Variants in PARP6 observed in about 807,000 individuals in gnomAD.
PARP6 encodes the protein protein mono-ADP-ribosyltransferase PARP6.
A neutral mutation model predicts 92.0 loss-of-function variants in PARP6; 27 were observed. That is an observed-to-expected ratio of 0.29 (90% CI 0.22 to 0.40). PARP6 has a LOEUF of 0.40. PARP6 is among the 10% of genes least tolerant of loss of function. The probability of loss-of-function intolerance (pLI) is 1.00; values close to 1 mark genes in which losing one functional copy is unlikely to be tolerated. For synonymous variants in PARP6, 272 were observed against 281.2 expected, an observed-to-expected ratio of 0.97 and a Z score of 0.33; for missense variants, 501 against 784.5, an observed-to-expected ratio of 0.64 and a Z score of 4.32.
Position 72,242,445 on chromosome 15 carries a change from A to G in PARP6, c.1641+175T>C, listed in dbSNP as rs2140874054. The stretch of plus-strand genomic sequence containing the variant: ...AAACTCAGCCTCTGCTTTTATACTC[A>G]TGACTTCAGCTACATATGACTCCAG... On this transcript the variant is annotated intron_variant, in intron 21 of 23. Transcript: ENST00000569795. The surrounding 1 kb of genome is among the most constrained non-coding windows in gnomAD (Gnocchi z 4.3). 6.6e-6 allele frequency among the ~76,000 whole-genome samples: 1 copy of G among 152,276 alleles called. No individual in the cohort carries two copies. Among genetic ancestry groups the G allele is most frequent in the Admixed American group, 6.5e-5 (1 of 15,296 alleles).
At chr15:72,246,037 CCA>C (rs2083560944) in intron 20 of PARP6, among the ~76,000 whole-genome samples, 1 of 152,198 alleles carries the variant, frequency 6.6e-6, no homozygotes, top group African/African-American at 2.4e-5. Flanking sequence ...AACCCTAACC[CCA>C]CTTTGGATGC....
intron 14 of PARP6, among the ~76,000 whole-genome samples, chr15:72,256,138 C>G (rs2085095695): frequency 6.6e-6 from 1 of 152,084 alleles, no homozygotes; most frequent in Non-Finnish European, 1.5e-5. Flanking sequence ...AAATATTATC[C>G]CTTTTTACAA....
At chr15:72,258,580 TTCAA>T (rs2085438114) in intron 11 of PARP6, among the ~76,000 whole-genome samples, 1 of 152,230 alleles carries the variant, frequency 6.6e-6, no homozygotes, top group African/African-American at 2.4e-5. Flanking sequence ...TAGGAGAGCA[TTCAA>T]TCAATTAGAT....
chr15:72,260,533 C>A lies in PARP6; in HGVS notation c.701G>T (p.Gly234Val). Residue 234 changes from glycine to valine, a missense_variant, in exon 10 of 24, where the codon GGT (glycine) becomes GTT (valine). By Grantham distance (109) the Gly-to-Val change is moderately radical. Transcript: ENST00000569795. ...VFGYPPSPQA[G>V]LLCPQHVGLP... ...GCCCACGTGCTGAGGGCACAGGAGA[C>A]CTGCCTGGGGGCTGGGAGGGTAGCC... is the stretch of plus-strand genomic sequence containing the variant. 6.2e-7 allele frequency: 1 copy of A among 1,614,194 alleles called. No individual in the cohort carries two copies. Among genetic ancestry groups the A allele is most frequent in the Non-Finnish European group, 8.5e-7 (1 of 1,180,028 alleles).
Position 72,267,555 on chromosome 15 carries a change from C to T in PARP6, c.-78G>A, listed in dbSNP as rs1203261022. 1.9e-5 allele frequency: 29 copies of T among 1,504,938 alleles called. No homozygotes were observed. The highest frequency in any genetic ancestry group is 1.9e-4 in the South Asian group (17 of 88,756). 93.2% of individuals were successfully genotyped at this position (1,504,938 alleles called of 1,614,324 possible). On this transcript the variant is annotated 5_prime_UTR_variant, in exon 3 of 24. Transcript: ENST00000569795. ...ATACCACTAGCCGAACCAAGGCCAACGAGATGGGCATTTAGGAGACCACAA... is the reference window on the plus strand; with the variant it reads ...ATACCACTAGCCGAACCAAGGCCAATGAGATGGGCATTTAGGAGACCACAA...
In PARP6 at chr15:72,250,938, G is replaced by A. The variant is rs1389058688; in HGVS notation, c.1325C>T (p.Thr442Ile). 1.2e-6 allele frequency: 2 copies of A among 1,613,058 alleles called. No homozygotes were observed. Among genetic ancestry groups the A allele is most frequent in the Non-Finnish European group, 1.7e-6 (2 of 1,179,426 alleles). ...GCTCAGCAGGAGGAACTGGTGTGAG[G>A]TGTGCATGAACTTCAGCTGCTGCCC... The part of the protein sequence containing the change: ...LPLSRLKFMH[T>I]SHQFLLLSSP... Residue 442 changes from threonine (T) to isoleucine (I), a missense_variant, in exon 18 of 24, where the codon ACC becomes ATC. Thr to Ile is a moderately conservative substitution (Grantham distance 89). This residue lies in a region of PARP6 where 191 missense variants were observed against 399.1 expected (regional missense o/e 0.48). Transcript: ENST00000569795.
At chr15:72,253,174 CAAAAA>C (rs11300145) in intron 16 of PARP6, among the ~76,000 whole-genome samples, 2 of 134,394 alleles carry the variant, frequency 1.5e-5, no homozygotes, top group African/African-American at 2.8e-5. Flanking sequence ...GACCCTATCT[CAAAAA>C]AAAAAAAAAA....
chr15:72,270,421 T>A (rs569716698), intron 2 of PARP6, among the ~76,000 whole-genome samples: 3 of 150,500 alleles, frequency 2.0e-5, no homozygotes, highest in Non-Finnish European at 3.0e-5. Context: ...ATAAAAAGTT[T>A]AAAAAAAAAA....
At chr15:72,251,473 C>G (rs2084342323) in intron 16 of PARP6, 1 of 359,080 alleles carries the variant, frequency 2.8e-6, no homozygotes, top group South Asian at 3.8e-5. Flanking sequence ...CAGACACAAG[C>G]TAATTATTGG....
rs1016685743 is a variant in PARP6, at chr15:72,241,254, G to A, written c.*201C>T. On this transcript the variant is annotated 3_prime_UTR_variant, in exon 24 of 24. Coordinates refer to ENST00000569795, the MANE Select transcript of PARP6 (RefSeq NM_001323532.2). This position sits in a 1 kb window ranked among gnomAD's most constrained non-coding sequence, Gnocchi z 4.1. ...GAAGTCAAAGGGAAAGTCAGGGGATGGAGTCAGTCTGGGCCATCCGAATGT... is the reference window on the plus strand; with the variant it reads ...GAAGTCAAAGGGAAAGTCAGGGGATAGAGTCAGTCTGGGCCATCCGAATGT... The A allele has an allele frequency of 3.4e-5, 23 of 683,986 alleles. No homozygotes were observed. Among genetic ancestry groups the A allele is most frequent in the Non-Finnish European group, 5.9e-5 (22 of 372,646 alleles). 42.4% of individuals were successfully genotyped at this position (683,986 alleles called of 1,614,324 possible).
rs776519911 is a variant in PARP6 at position 72,260,517 on chromosome 15, C to T, written c.717G>A (p.Gln239=). The T allele has an allele frequency of 6.2e-7, 1 of 1,614,212 alleles. No homozygotes were observed. The highest frequency in any genetic ancestry group is 1.1e-5 in the South Asian group (1 of 91,090). ...GTGCTGGGGGAGGGAGGCCCACGTG[C>T]TGAGGGCACAGGAGACCTGCCTGGG... ...PSPQAGLLCP[Q]HVGLPPPART... The change falls in exon 10 of 24, where the codon CAG becomes CAA. Residue 239 remains glutamine (Q), a synonymous_variant. Transcript: ENST00000569795.
chr15:72,268,086 C>T (rs2086848628), intron 2 of PARP6, among the ~76,000 whole-genome samples: 1 of 152,220 alleles, frequency 6.6e-6, no homozygotes. Flanking sequence ...CAGATACTTG[C>T]ATATAAAAAG....
intron 14 of PARP6, among the ~76,000 whole-genome samples, chr15:72,254,728 T>G (rs2084841016): frequency 6.6e-6 from 1 of 152,218 alleles, no homozygotes; most frequent in Admixed American, 6.5e-5. Flanking sequence ...TTATTTGGCC[T>G]CTTAGAACCT....
In PARP6 at chr15:72,242,644, G is replaced by A; in HGVS notation, c.1617C>T (p.Tyr539=). Reference sequence around the variant, plus strand: ...CCTGGGGGATGGTATTCATCCTGTTGTATCTCTGGACCAGCTCATCCTTGG... The same window carrying A: ...CCTGGGGGATGGTATTCATCCTGTTATATCTCTGGACCAGCTCATCCTTGG... The part of the protein sequence containing the change: ...MPSKDELVQR[Y]NRMNTIPQTR... Residue 539 remains tyrosine, a synonymous_variant, in exon 21 of 24, where the codon TAC becomes TAT. Coordinates refer to ENST00000569795, the MANE Select transcript of PARP6 (RefSeq NM_001323532.2). The surrounding 1 kb of genome is among the most constrained non-coding windows in gnomAD (Gnocchi z 4.3). 6.2e-7 allele frequency: 1 copy of A among 1,611,610 alleles called. No individual in the cohort carries two copies. The highest frequency in any genetic ancestry group is 8.5e-7 in the Non-Finnish European group (1 of 1,177,762).
rs1050475280 is a variant in PARP6 at position 72,265,918 on chromosome 15, C to T, written c.155G>A (p.Ser52Asn). 2 of 1,613,326 alleles carry T rather than the reference C, an allele frequency of 1.2e-6. No homozygotes were observed. The highest frequency in any genetic ancestry group is 1.7e-5 in the Admixed American group (1 of 60,030). Reference protein sequence around the residue: ...ADIEAVKEIYSENSVSIREYG... With the variant: ...ADIEAVKEIYNENSVSIREYG... ...CCACCTGATGGATACAGAGTTCTCA[C>T]TGTAGATCTCCTTCACGGCTTCAAT... Residue 52 changes from serine (S) to asparagine (N), a missense_variant, in exon 5 of 24, where the codon AGT becomes AAT. By Grantham distance (46) the Ser-to-Asn change is conservative. Coordinates refer to ENST00000569795, the MANE Select transcript of PARP6 (RefSeq NM_001323532.2).
Position 72,260,475 on chromosome 15 carries a change from T to C in PARP6, c.756+3A>G. ...CAAGTCAAACCCTCCCCAGCCCATG[T>C]ACCAAAGGAGAGGTCCGTGCTGGGG... On this transcript the variant is annotated splice_donor_region_variant and intron_variant, in intron 10 of 23. Transcript: ENST00000569795. The C allele has an allele frequency of 6.2e-7, 1 of 1,611,380 alleles. No homozygotes were observed. Among genetic ancestry groups the C allele is most frequent in the Non-Finnish European group, 8.5e-7 (1 of 1,177,646 alleles).
Position 72,250,898 on chromosome 15 carries a change from C to T in PARP6, c.1365G>A (p.Lys455=). 2 of 1,613,846 alleles carry T rather than the reference C, an allele frequency of 1.2e-6. No individual in the cohort carries two copies. The highest frequency in any genetic ancestry group is 1.7e-6 in the Non-Finnish European group (2 of 1,179,912). The change falls in exon 18 of 24, where the codon AAG becomes AAA. Residue 455 remains lysine, a synonymous_variant. Coordinates refer to ENST00000569795, the MANE Select transcript of PARP6 (RefSeq NM_001323532.2). The part of the protein sequence containing the change: ...QFLLLSSPPA[K]EARFRTAKKL... ...TCTTGGCGGTCCGGAACCGAGCCTC[C>T]TTGGCAGGAGGGCTGCTCAGCAGGA...
chr15:72,267,006 A>G (rs2086690988), intron 3 of PARP6, 184 bp from the exon 4 acceptor site: 4 of 581,490 alleles, frequency 6.9e-6, no homozygotes, highest in Non-Finnish European at 1.2e-5. Flanking sequence ...TCCTGATATG[A>G]TCATATCCAT....
chr15:72,266,673 C>T, intron 4 of PARP6, 72 bp downstream of exon 4: 1 of 1,096,584 alleles, frequency 9.1e-7, no homozygotes. Context: ...ACCTCTTTCA[C>T]TCCTGATGTA....
Sources: gnomAD v4.1 joint callset for allele counts (sites outside exome capture counted in the v4.1 genomes callset) on GRCh38, gnomAD v4.1.1 for gene constraint, gnomAD v4.1.1 regional missense constraint, Gnocchi (gnomAD v3.1) non-coding constraint, MANE v1.5 for transcripts, NCBI Gene and HGNC (gene_info 2026-07-23, HGNC 2026-07-21) for gene names.